Variants in FCHO2 observed in about 807,000 individuals in gnomAD.
FCHO2 encodes FCH and mu domain containing endocytic adaptor 2.
A neutral mutation model predicts 114.1 loss-of-function variants in FCHO2; 43 were observed. The observed-to-expected ratio is 0.38, with a 90% CI of 0.30 to 0.49. The LOEUF (loss-of-function observed/expected upper bound fraction) is 0.49, where lower values mean the gene tolerates loss of function less well. Ranked by LOEUF, FCHO2 falls within the 20% of genes least tolerant of loss-of-function variation. The pLI is 0.97. For missense variants in FCHO2, 807 were observed against 950.4 expected, an observed-to-expected ratio of 0.85 and a Z score of 1.98; for synonymous variants, 293 against 315.2, an observed-to-expected ratio of 0.93 and a Z score of 0.75.
chr5:72,982,028 G>A (rs1395450791), intron 2 of FCHO2, among the ~76,000 whole-genome samples: 4 of 152,012 alleles, frequency 2.6e-5, no homozygotes, highest in Non-Finnish European at 4.4e-5. Flanking sequence ...TGAAACCCAG[G>A]GCCCTGGTGG....
chr5:73,066,575 CTT>C (rs3054234), intron 18 of FCHO2, among the ~76,000 whole-genome samples: 60 of 101,426 alleles, frequency 5.9e-4, no homozygotes, highest in South Asian at 1.0e-3. Flanking sequence ...AGTGCCTTTT[CTT>C]TTTTTTTTTT....
intron 6 of FCHO2, among the ~76,000 whole-genome samples, chr5:73,010,874 TCAAAAAA>T (rs1754968285): frequency 2.2e-5 from 1 of 46,218 alleles, no homozygotes; most frequent in Admixed American, 3.4e-4. Context: ...AGACTCTGTC[TCAAAAAA>T]AAAAAAAAAA....
At chr5:72,984,196 G>A (rs550803661) in intron 2 of FCHO2, among the ~76,000 whole-genome samples, 2 of 152,236 alleles carry the variant, frequency 1.3e-5, no homozygotes, top group South Asian at 2.1e-4. Flanking sequence ...ATTGAAATTT[G>A]TGTGTTAAAT....
At position 73,068,863 on chromosome 5, in the gene FCHO2, A is replaced by G. The variant is rs370217867; in HGVS notation, c.1579+84A>G. ...ATATGTATATATTTTTAAATGGGCT[A>G]ATGAAGAATTTAACATTATAAATTT... is the stretch of plus-strand genomic sequence containing the variant. On this transcript the variant is annotated intron_variant, in intron 19 of 25. Coordinates refer to ENST00000430046, the MANE Select transcript of FCHO2 (RefSeq NM_138782.3). 1.1e-4 allele frequency: 158 copies of G among 1,413,294 alleles called. 1 individual carries two copies. The South Asian group carries it at 2.4e-3, about 22-fold the overall frequency. The allele number at this position is 1,413,294 out of a possible 1,614,324, so 87.5% of individuals were successfully genotyped here.
rs138899250 is a variant in FCHO2 at position 73,018,478 on chromosome 5, C to T, written c.796+1170C>T. ...TGGGATTCTGGACTTGGTTTCAGAG[C>T]CTTTAAGGATCTCGAGCTGACCAGA... On this transcript the variant is annotated intron_variant, in intron 8 of 25. Coordinates refer to ENST00000430046, the MANE Select transcript of FCHO2 (RefSeq NM_138782.3). Among the ~76,000 whole-genome samples the T allele has an allele frequency of 4.2e-3, 643 of 151,452 alleles. 3 individuals are homozygous for T. The highest frequency in any genetic ancestry group is 0.015 in the African/African-American group (627 of 41,266).
At chr5:72,956,219 C>G in intron 1 of FCHO2, 90 bp downstream of exon 1, 1 of 1,485,580 alleles carries the variant, frequency 6.7e-7, no homozygotes. Context: ...GCGGCGGCGG[C>G]GGCCCCTCCG....
At chr5:72,961,810 C>T (rs963710485) in intron 1 of FCHO2, among the ~76,000 whole-genome samples, 8 of 152,040 alleles carry the variant, frequency 5.3e-5, no homozygotes, top group African/African-American at 1.4e-4. Flanking sequence ...AGGCTGGTCT[C>T]GAACTCCTGA....
intron 6 of FCHO2, among the ~76,000 whole-genome samples, chr5:73,011,797 GC>G (rs1429539529): frequency 4.6e-5 from 7 of 152,070 alleles, no homozygotes; most frequent in Admixed American, 2.0e-4. Context: ...TGTAATCCTA[GC>G]TGCGTGGGAG....
Position 72,990,508 on chromosome 5 carries a change from A to G in FCHO2, c.231A>G (p.Lys77=). ...GTFAPVWDVF[K]TSTEKLANCH... ...TTGCACCAGTATGGGATGTATTCAAAACATCTACAGAGAAATTAGCAAATT... is the reference window on the plus strand; with the variant it reads ...TTGCACCAGTATGGGATGTATTCAAGACATCTACAGAGAAATTAGCAAATT... The change falls in exon 4 of 26, where the codon AAA becomes AAG. Residue 77 remains lysine, a synonymous_variant. Transcript: ENST00000430046. The G allele has an allele frequency of 6.5e-7, 1 of 1,530,142 alleles. No individual in the cohort carries two copies. The highest frequency in any genetic ancestry group is 2.5e-5 in the East Asian group (1 of 40,692). The allele number at this position is 1,530,142 out of a possible 1,614,324, so 94.8% of individuals were successfully genotyped here. A position where few individuals can be genotyped will look rare whatever the true frequency, so the allele number is the denominator to read the frequency against.
intron 2 of FCHO2, among the ~76,000 whole-genome samples, chr5:72,975,156 T>TC (rs1752788042): frequency 6.6e-6 from 1 of 152,222 alleles, no homozygotes; most frequent in African/African-American, 2.4e-5. Context: ...CTTTGTAGTA[T>TC]TTATAAAATT....
intron 6 of FCHO2, among the ~76,000 whole-genome samples, chr5:73,008,662 G>A (rs1018464830): frequency 3.9e-5 from 6 of 152,054 alleles, no homozygotes; most frequent in Non-Finnish European, 5.9e-5. Context: ...CCACAATTCC[G>A]AATCCGAAGA....
chr5:73,019,878 A>T (rs1297447439), intron 8 of FCHO2, among the ~76,000 whole-genome samples: 1 of 152,192 alleles, frequency 6.6e-6, no homozygotes, highest in East Asian at 1.9e-4. Context: ...ACGAGGAGCC[A>T]TGTAGGTAAA....
chr5:73,004,867 C>T (rs1315406691), intron 5 of FCHO2, among the ~76,000 whole-genome samples: 2 of 152,056 alleles, frequency 1.3e-5, no homozygotes, highest in African/African-American at 4.8e-5. Context: ...CTTACTGTGC[C>T]TAATTTATAA....
At chr5:73,034,836 A>G in intron 9 of FCHO2, 135 bp downstream of exon 9, 1 of 611,360 alleles carries the variant, frequency 1.6e-6, no homozygotes, top group South Asian at 5.2e-5. Context: ...AAAATCTGAA[A>G]TTAGTTTGAA....
At chr5:73,068,427 T>G (rs182866237) in intron 18 of FCHO2, among the ~76,000 whole-genome samples, 1 of 152,208 alleles carries the variant, frequency 6.6e-6, no homozygotes, top group Admixed American at 6.5e-5. Context: ...AGAAAAATTT[T>G]TATGCACAAA....
At position 73,088,583 on chromosome 5, in the gene FCHO2, A is replaced by G. The variant is rs1743386136; in HGVS notation, c.*493A>G. 6.3e-6 allele frequency: 1 copy of G among 159,454 alleles called. No individual in the cohort carries two copies. The highest frequency in any genetic ancestry group is 1.4e-5 in the Non-Finnish European group (1 of 71,932). The allele number at this position is 159,454 out of a possible 1,614,324, so 9.9% of individuals were successfully genotyped here. ...TCAGAACACTTAATCAAATTGAGCTATGTGCCATAAGGTAATCAGACCAGA... is the reference window on the plus strand; with the variant it reads ...TCAGAACACTTAATCAAATTGAGCTGTGTGCCATAAGGTAATCAGACCAGA... On this transcript the variant is annotated 3_prime_UTR_variant, in exon 26 of 26. Transcript: ENST00000430046.
At chr5:73,056,781 A>C (rs1757617058) in intron 16 of FCHO2, among the ~76,000 whole-genome samples, 1 of 152,084 alleles carries the variant, frequency 6.6e-6, no homozygotes, top group Non-Finnish European at 1.5e-5. Context: ...CTGTGACGTT[A>C]TAAAATAATA....
intron 5 of FCHO2, among the ~76,000 whole-genome samples, chr5:73,004,993 T>A (rs1267767905): frequency 1.3e-5 from 2 of 152,164 alleles, no homozygotes; most frequent in African/African-American, 4.8e-5. Context: ...TCCCCATGGA[T>A]AAAGGGGCAG....
intron 5 of FCHO2, among the ~76,000 whole-genome samples, chr5:72,993,727 T>G (rs967330357): frequency 6.6e-6 from 1 of 152,210 alleles, no homozygotes; most frequent in African/African-American, 2.4e-5. Context: ...TTAACAGACC[T>G]TTTAAGGACC....
Sources: allele counts gnomAD v4.1 joint callset (sites outside exome capture counted in the v4.1 genomes callset), GRCh38; gene constraint gnomAD v4.1.1; transcripts MANE v1.5; gene names NCBI Gene and HGNC (gene_info 2026-07-23, HGNC 2026-07-21).